PRPSAP1: variants seen among roughly 807,000 people sequenced by gnomAD.
PRPSAP1 encodes phosphoribosyl pyrophosphate synthetase associated protein 1, also known as phosphoribosyl pyrophosphate synthase-associated protein 1.
In PRPSAP1, 31 loss-of-function variants were observed where a neutral mutation model predicts 39.4. The ratio of observed to expected loss-of-function variants is 0.79; its 90% CI spans 0.59 to 1.06. PRPSAP1 has a LOEUF of 1.06. PRPSAP1 is among the 50% of genes least tolerant of loss of function. The pLI is 0.00. For synonymous variants in PRPSAP1, 212 were observed against 192.6 expected (o/e 1.10, Z -0.83); for missense variants, 430 against 511.6 (o/e 0.84, Z 1.54).
chr17:76,329,580 C>G (rs918490905), intron 6 of PRPSAP1, among the ~76,000 whole-genome samples: 2 of 151,918 alleles, frequency 1.3e-5, no homozygotes, highest in Non-Finnish European at 2.9e-5. Context: ...ACTAAAAATA[C>G]AAAAAACTAG....
chr17:76,324,319 C>T (rs948057252), intron 7 of PRPSAP1, among the ~76,000 whole-genome samples: 2 of 151,952 alleles, frequency 1.3e-5, no homozygotes, highest in African/African-American at 4.8e-5. Flanking sequence ...ATGCTGTCAG[C>T]CGGGCGCAGT....
At chr17:76,341,225 CTTTTTTTTGTTTTTTTTTTTTT>C (rs972966936) in intron 3 of PRPSAP1, among the ~76,000 whole-genome samples, 6 of 122,190 alleles carry the variant, frequency 4.9e-5, no homozygotes, top group African/African-American at 1.9e-4. Context: ...AACAATTTGA[CTTTTTTTTGTTTTTTTTTTTTT>C]TTTTTTTTGA....
intron 1 of PRPSAP1, among the ~76,000 whole-genome samples, chr17:76,349,140 G>A (rs745985996): frequency 3.3e-5 from 5 of 151,206 alleles, no homozygotes; most frequent in Non-Finnish European, 7.4e-5. Context: ...GAGAAACCCC[G>A]TCTAAAATAC....
intron 7 of PRPSAP1, among the ~76,000 whole-genome samples, chr17:76,322,474 C>A (rs546678389): frequency 5.3e-5 from 8 of 152,280 alleles, no homozygotes; most frequent in African/African-American, 1.4e-4. Context: ...TGTTTTCATG[C>A]CCGCTAATAC....
At chr17:76,352,291 G>A (rs568615032) in intron 1 of PRPSAP1, among the ~76,000 whole-genome samples, 28 of 152,156 alleles carry the variant, frequency 1.8e-4, no homozygotes, top group Non-Finnish European at 3.5e-4. Context: ...ATGTAGAAAG[G>A]GCATATAAGG....
chr17:76,328,965 G>T lies in PRPSAP1; in HGVS notation c.636-103C>A, dbSNP rs1179609253. 5 of 1,297,774 alleles carry T rather than the reference G, an allele frequency of 3.9e-6. No homozygotes were observed. The African/African-American group carries it at 7.5e-5, about 20-fold the overall frequency. 80.4% of individuals were successfully genotyped at this position (1,297,774 alleles called of 1,614,324 possible). ...AAATGAAAATATTTAACGTTTCAGG[G>T]ACATACAAAGGCATTATTTATATAA... On this transcript the variant is annotated intron_variant, in intron 6 of 9. Coordinates refer to ENST00000446526, the MANE Select transcript of PRPSAP1 (RefSeq NM_002766.3).
chr17:76,345,888 G>T, intron 2 of PRPSAP1: 1 of 419,912 alleles, frequency 2.4e-6, no homozygotes, highest in Non-Finnish European at 4.6e-6. Flanking sequence ...AGGCCAAGGT[G>T]AAAGACGAAC....
At chr17:76,329,858 T>C (rs539041577) in intron 6 of PRPSAP1, among the ~76,000 whole-genome samples, 185 bp downstream of exon 6, 3 of 152,240 alleles carry the variant, frequency 2.0e-5, no homozygotes, top group African/African-American at 7.2e-5. Context: ...TCAGCGATCA[T>C]GTGTGCTGTC....
intron 2 of PRPSAP1, 42 bp downstream of exon 2, chr17:76,348,487 A>C (rs2071534240): frequency 8.0e-7 from 1 of 1,255,802 alleles, no homozygotes; most frequent in East Asian, 3.1e-5. Flanking sequence ...AAACTAAATA[A>C]ATAAAAAATA....
In PRPSAP1 at chr17:76,309,983, T is replaced by C. The variant is rs999264496; in HGVS notation, c.*1559A>G. Reference sequence around the variant, plus strand: ...AGGGGTTATCAAAATAACTAGTTCTTTGCAGTCTTTTTTTTTTTTTGAGAT... The same window carrying C: ...AGGGGTTATCAAAATAACTAGTTCTCTGCAGTCTTTTTTTTTTTTTGAGAT... On this transcript the variant is annotated 3_prime_UTR_variant, in exon 10 of 10. Transcript: ENST00000446526. 5 of 149,066 alleles carry C rather than the reference T, an allele frequency of 3.4e-5. No individual in the cohort carries two copies. The highest frequency in any genetic ancestry group is 1.3e-4 in the African/African-American group (5 of 39,024). 9.2% of individuals were successfully genotyped at this position (149,066 alleles called of 1,614,324 possible).
At chr17:76,320,845 G>A (rs12150409) in intron 7 of PRPSAP1, among the ~76,000 whole-genome samples, 80,195 of 150,678 alleles carry the variant, frequency 0.53, 22,044 homozygotes, top group Non-Finnish European at 0.61. Context: ...GCAGTGGTGC[G>A]ATCTCGGCTC....
At chr17:76,350,852 G>A (rs1298280815) in intron 1 of PRPSAP1, among the ~76,000 whole-genome samples, 2 of 152,176 alleles carry the variant, frequency 1.3e-5, no homozygotes, top group Admixed American at 1.3e-4. Context: ...GACCAACATG[G>A]AGAAACCCCG....
intron 3 of PRPSAP1, among the ~76,000 whole-genome samples, chr17:76,336,855 G>C (rs1038059652): frequency 2.0e-5 from 3 of 151,602 alleles, no homozygotes; most frequent in Admixed American, 6.6e-5. Flanking sequence ...ACCCCTTATT[G>C]GTCAGAAAGG....
At chr17:76,317,552 A>G (rs1014530339) in intron 7 of PRPSAP1, among the ~76,000 whole-genome samples, 2 of 152,188 alleles carry the variant, frequency 1.3e-5, no homozygotes, top group African/African-American at 2.4e-5. Flanking sequence ...TTAGATGAGT[A>G]AATAAAATGA....
intron 3 of PRPSAP1, among the ~76,000 whole-genome samples, chr17:76,341,096 C>A (rs1362320359): frequency 6.6e-6 from 1 of 152,072 alleles, no homozygotes; most frequent in Non-Finnish European, 1.5e-5. Context: ...ATGCCAAGAG[C>A]ACAGCTGCTC....
chr17:76,337,212 CCAGA>C lies in PRPSAP1; in HGVS notation c.291-4781_291-4778del, dbSNP rs1240387755. On this transcript the variant is annotated intron_variant, in intron 3 of 9. Transcript: ENST00000446526. The stretch of plus-strand genomic sequence containing the variant: ...GGGAGTACAGCTTGAGCCATCATGC[CCAGA>C]CAACCAACTACTTTTCTTTCCCCTA... The C allele has an allele frequency of 2.6e-5, 4 of 152,164 alleles. No individual in the cohort carries two copies. The East Asian group carries it at 7.7e-4, about 29-fold the overall frequency. The allele number at this position is 152,164 out of a possible 1,614,324, so 9.4% of individuals were successfully genotyped here. A position where few individuals can be genotyped will look rare whatever the true frequency, so the allele number is the denominator to read the frequency against.
chr17:76,318,069 T>C (rs2071143679), intron 7 of PRPSAP1, among the ~76,000 whole-genome samples: 1 of 152,194 alleles, frequency 6.6e-6, no homozygotes, highest in African/African-American at 2.4e-5. Flanking sequence ...CCAGCTCCCA[T>C]GGTTGTGACA....
intron 7 of PRPSAP1, among the ~76,000 whole-genome samples, chr17:76,326,700 G>T (rs961243710): frequency 2.6e-5 from 4 of 152,138 alleles, no homozygotes; most frequent in African/African-American, 4.8e-5. Context: ...TGTGACCCTG[G>T]GTTAGGTCTT....
rs559788947 is a variant in PRPSAP1, at chr17:76,342,264, G to A, written c.290+2407C>T. Among the ~76,000 whole-genome samples, 257 of 152,242 alleles carry A rather than the reference G, an allele frequency of 1.7e-3. 1 individual carries two copies. The highest frequency in any genetic ancestry group is 5.8e-3 in the African/African-American group (242 of 41,558). ...ATAAACCGATGCATCCACACAAGAT[G>A]TCATGAAGCAGCAGGAAGACAAGAC... On this transcript the variant is annotated intron_variant, in intron 3 of 9. Transcript: ENST00000446526.
Sources: allele counts gnomAD v4.1 joint callset (sites outside exome capture counted in the v4.1 genomes callset), GRCh38; gene constraint gnomAD v4.1.1; transcripts MANE v1.5; gene names NCBI Gene and HGNC (gene_info 2026-07-23, HGNC 2026-07-21).